LAMA1: variants seen among roughly 807,000 people sequenced by gnomAD.
LAMA1 encodes the protein laminin subunit alpha 1.
Under a neutral mutation model 348.7 loss-of-function variants are expected in LAMA1, and 219 were observed. The observed-to-expected ratio is 0.63, with a 90% CI of 0.56 to 0.70. LAMA1 has a LOEUF of 0.70. Ranked by LOEUF, LAMA1 falls within the 30% of genes least tolerant of loss-of-function variation. LAMA1 has a pLI of 0.00. For missense variants in LAMA1, 3,744 were observed against 3,888.0 expected (o/e 0.96, Z 0.99); for synonymous variants, 1,487 against 1,491.0 (o/e 1.00, Z 0.06).
chr18:7,113,227 T>G (rs1262124928), intron 1 of LAMA1, among the ~76,000 whole-genome samples: 2 of 152,144 alleles, frequency 1.3e-5, no homozygotes, highest in Non-Finnish European at 2.9e-5. Context: ...CCAGGGTTCT[T>G]TAGAACCCAA....
At chr18:7,085,035 A>G (rs1299932152) in intron 1 of LAMA1, among the ~76,000 whole-genome samples, 1 of 149,756 alleles carries the variant, frequency 6.7e-6, no homozygotes, top group African/African-American at 2.5e-5. Flanking sequence ...TCCATTTTGG[A>G]AAAAAAAAAG....
chr18:6,946,683 C>T (rs368617065), intron 61 of LAMA1, among the ~76,000 whole-genome samples: 15 of 152,170 alleles, frequency 9.9e-5, no homozygotes, highest in Admixed American at 3.9e-4. Context: ...TGCACCATTG[C>T]ACTCTAGCTT....
At chr18:7,061,208 C>G (rs2058100816) in intron 3 of LAMA1, among the ~76,000 whole-genome samples, 1 of 152,168 alleles carries the variant, frequency 6.6e-6, no homozygotes, top group South Asian at 2.1e-4. Flanking sequence ...ACAGAACAGA[C>G]AAGTAAAAGG....
intron 1 of LAMA1, among the ~76,000 whole-genome samples, chr18:7,114,457 GA>G (rs1353674074): frequency 6.6e-6 from 1 of 152,144 alleles, no homozygotes; most frequent in Admixed American, 6.6e-5. Context: ...GCATTTTGGA[GA>G]ATATAGTTTA....
intron 1 of LAMA1, 62 bp downstream of exon 1, chr18:7,117,598 G>C: frequency 6.5e-7 from 1 of 1,545,354 alleles, no homozygotes; most frequent in Non-Finnish European, 8.7e-7. Context: ...GGCTTTGTCC[G>C]CGGCCGCCCC....
At chr18:7,012,191 T>G (rs754007560) in intron 23 of LAMA1, 53 bp from the exon 24 acceptor site, 252 of 1,579,948 alleles carry the variant, frequency 1.6e-4, no homozygotes, top group Non-Finnish European at 2.1e-4. Flanking sequence ...AGATGTGATT[T>G]CTGAACAAAC....
chr18:7,032,148 T>A lies in LAMA1; in HGVS notation c.2192A>T (p.Asp731Val). 6.2e-7 allele frequency: 1 copy of A among 1,614,098 alleles called. No homozygotes were observed. The highest frequency in any genetic ancestry group is 1.1e-5 in the South Asian group (1 of 91,054). The change falls in exon 16 of 63, where the codon GAT becomes GTT. Residue 731 changes from aspartate to valine, a missense_variant. Physicochemically the swap from Asp to Val is radical, Grantham distance 152 (BLOSUM62 -3). Around this residue, in one of 3 missense-constraint regions of LAMA1, gnomAD observed 1,529 missense variants for 1,689.4 expected, o/e 0.91. Transcript: ENST00000389658. ...ACAAATTCCTCCAAAGAGTATTCCA[T>A]CCACGCGGTAATAGCCAGAGAGGCA... is the stretch of plus-strand genomic sequence containing the variant. ...ESCLSGYYRV[D>V]GILFGGICQP... is the part of the protein sequence containing the mutation.
At chr18:7,032,910 G>C (rs895600036) in intron 15 of LAMA1, 74 bp downstream of exon 15, 1 of 1,101,210 alleles carries the variant, frequency 9.1e-7, no homozygotes, top group Non-Finnish European at 1.4e-6. Context: ...TGTTTGCCAT[G>C]ACATCCCCTT....
At chr18:7,096,883 G>A (rs2143811011) in intron 1 of LAMA1, among the ~76,000 whole-genome samples, 1 of 152,260 alleles carries the variant, frequency 6.6e-6, no homozygotes, top group East Asian at 1.9e-4. Context: ...TAGAGTTTTG[G>A]GTAAGATGCG....
intron 1 of LAMA1, among the ~76,000 whole-genome samples, chr18:7,081,269 G>A (rs945178097): frequency 1.3e-5 from 2 of 152,026 alleles, no homozygotes; most frequent in African/African-American, 4.8e-5. Context: ...AGGCCTTAAG[G>A]GAAGTTTCAA....
At position 6,965,438 on chromosome 18, in the gene LAMA1, A is replaced by G. The variant is rs931262489; in HGVS notation, c.7051-6T>C. The G allele has an allele frequency of 7.4e-6, 12 of 1,614,012 alleles. No homozygotes were observed. The African/African-American group carries it at 1.1e-4, about 14-fold the overall frequency. On this transcript the variant is annotated splice_region_variant and splice_polypyrimidine_tract_variant and intron_variant, in intron 49 of 62. Coordinates refer to ENST00000389658, the MANE Select transcript of LAMA1 (RefSeq NM_005559.4). ...TCGATGGATAAAAAGTCTTTCTGTA[A>G]AAAAGAGAACACAGTTCCCCAGGTT...
Position 6,978,376 on chromosome 18 carries a change from T to G in LAMA1, c.6010A>C (p.Ile2004Leu). 6.2e-7 allele frequency: 1 copy of G among 1,613,872 alleles called. No individual in the cohort carries two copies. The highest frequency in any genetic ancestry group is 8.5e-7 in the Non-Finnish European group (1 of 1,179,958). The change falls in exon 43 of 63, where the codon ATA (isoleucine) becomes CTA (leucine). Residue 2004 changes from isoleucine (I) to leucine (L), a missense_variant and splice_region_variant. Transcript: ENST00000389658. ...LLILRAIPKG[I>L]RDKGAKTKEL... ...TTGGTTTTGGCTCCCTTGTCTCTTATACCTAAAATAAATGTATATAAAAGC... is the reference window on the plus strand; with the variant it reads ...TTGGTTTTGGCTCCCTTGTCTCTTAGACCTAAAATAAATGTATATAAAAGC...
intron 1 of LAMA1, among the ~76,000 whole-genome samples, chr18:7,099,064 T>G (rs1335471386): frequency 1.3e-5 from 2 of 151,864 alleles, no homozygotes; most frequent in East Asian, 1.9e-4. Context: ...AATCGGATGG[T>G]TGCCGTGTCT....
intron 3 of LAMA1, among the ~76,000 whole-genome samples, chr18:7,053,012 T>TC (rs2058068213): frequency 6.6e-6 from 1 of 152,140 alleles, no homozygotes; most frequent in Non-Finnish European, 1.5e-5. Flanking sequence ...AGAGCAAGAC[T>TC]CTGTCTCAAA....
In LAMA1 at chr18:7,042,162, T is replaced by C; in HGVS notation, c.1244A>G (p.His415Arg). 2 of 1,610,844 alleles carry C rather than the reference T, an allele frequency of 1.2e-6. No homozygotes were observed. The highest frequency in any genetic ancestry group is 1.1e-5 in the South Asian group (1 of 90,568). The change falls in exon 9 of 63, where the codon CAT (histidine) becomes CGT (arginine). Residue 415 changes from histidine to arginine, a missense_variant. His to Arg is a conservative substitution (Grantham distance 29, BLOSUM62 0). Transcript: ENST00000389658. ...LSSVCIKDDL[H>R]SDLHNGKQPG... ...GTACTTACCATTGTGTAAGTCAGAA[T>C]GGAGGTCATCCTTAATACAGACAGA...
Position 6,948,531 on chromosome 18 carries a change from A to C in LAMA1, c.8582T>G (p.Ile2861Ser), listed in dbSNP as rs761532238. 2 of 1,614,198 alleles carry C rather than the reference A, an allele frequency of 1.2e-6. No individual in the cohort carries two copies. The highest frequency in any genetic ancestry group is 1.7e-6 in the Non-Finnish European group (2 of 1,180,042). Residue 2861 changes from isoleucine (I) to serine (S), a missense_variant, in exon 60 of 63, where the codon ATT becomes AGT. Ile to Ser is a moderately radical substitution (Grantham distance 142). This residue lies in a region of LAMA1 where 1,983 missense variants were observed against 1,934.3 expected (regional missense o/e 1.03). Coordinates refer to ENST00000389658, the MANE Select transcript of LAMA1 (RefSeq NM_005559.4). The stretch of plus-strand genomic sequence containing the variant: ...TTTGCTGTTAACCGTCACATCCCCA[A>C]TGCAGGCAGGGATGCTGTGGGTGAT... Reference protein sequence around the residue: ...GNITHSIPACIGDVTVNSKQL... With the variant: ...GNITHSIPACSGDVTVNSKQL...
intron 6 of LAMA1, among the ~76,000 whole-genome samples, chr18:7,045,970 T>G (rs2058040544): frequency 6.6e-6 from 1 of 151,618 alleles, no homozygotes. Context: ...TTTTTTTTAC[T>G]TTCTTACAGA....
Position 6,978,359 on chromosome 18 carries a change from G to A in LAMA1, c.6027C>T (p.Ala2009=). ...AIPKGIRDKG[A]KTKELATSAS... is the part of the protein sequence containing the mutation. The stretch of plus-strand genomic sequence containing the variant: ...CAGACGTGGCCAGCTCTTTGGTTTT[G>A]GCTCCCTTGTCTCTTATACCTAAAA... The change falls in exon 43 of 63, where the codon GCC becomes GCT. Residue 2009 remains alanine (A), a synonymous_variant. Transcript: ENST00000389658. 2.5e-6 allele frequency: 4 copies of A among 1,614,126 alleles called. No individual in the cohort carries two copies. The highest frequency in any genetic ancestry group is 3.4e-6 in the Non-Finnish European group (4 of 1,180,034).
At chr18:6,959,219 A>G in intron 54 of LAMA1, 122 bp downstream of exon 54, 2 of 1,241,964 alleles carry the variant, frequency 1.6e-6, no homozygotes, top group South Asian at 2.4e-5. Flanking sequence ...AGGTTCTAGA[A>G]TCGTCTGGAT....
Sources: allele counts gnomAD v4.1 joint callset (sites outside exome capture counted in the v4.1 genomes callset), GRCh38; gene constraint gnomAD v4.1.1; regional missense constraint gnomAD v4.1.1; transcripts MANE v1.5; gene names NCBI Gene and HGNC (gene_info 2026-07-23, HGNC 2026-07-21).